Variants in HYAL4 observed in about 807,000 individuals in gnomAD.
HYAL4 encodes the protein hyaluronidase 4, also known as hyaluronidase-4.
Under a neutral mutation model 35.2 loss-of-function variants are expected in HYAL4, and 37 were observed. The observed-to-expected ratio is 1.05, with a 90% CI of 0.81 to 1.38. HYAL4 has a LOEUF of 1.38. HYAL4 is among the 40% of genes most tolerant of loss of function. The pLI is 0.00. For synonymous variants in HYAL4, 198 were observed against 203.2 expected, an observed-to-expected ratio of 0.97 and a Z score of 0.22; for missense variants, 572 against 572.4, an observed-to-expected ratio of 1.00 and a Z score of 0.01.
chr7:123,859,890 C>T (rs1281893517), intron 2 of HYAL4, among the ~76,000 whole-genome samples: 1 of 152,218 alleles, frequency 6.6e-6, no homozygotes, highest in Non-Finnish European at 1.5e-5. Flanking sequence ...CCACCCTGTT[C>T]TCTTCCCTGG....
upstream of HYAL4, among the ~76,000 whole-genome samples, chr7:123,844,783 T>G (rs1437520274): frequency 1.3e-5 from 2 of 152,134 alleles, no homozygotes; most frequent in Non-Finnish European, 2.9e-5. Context: ...CAGTTCAATC[T>G]CAGACTGCTG....
the HYAL4 span, among the ~76,000 whole-genome samples, chr7:123,792,970 C>G: frequency 6.6e-6 from 1 of 152,146 alleles, no homozygotes; most frequent in African/African-American, 2.4e-5. Context: ...TTCGGGCCAG[C>G]CTTTTTCAGG....
At chr7:123,866,295 C>T (rs1806685717) in intron 2 of HYAL4, among the ~76,000 whole-genome samples, 1 of 152,180 alleles carries the variant, frequency 6.6e-6, no homozygotes, top group African/African-American at 2.4e-5. Context: ...GCTTGCTGCT[C>T]CTTGACACTG....
At position 123,834,580 on chromosome 7, in the gene HYAL4, T is replaced by C. The variant is rs567452358; in HGVS notation, c.-257+5456T>C. 2.6e-5 allele frequency among the ~76,000 whole-genome samples: 4 copies of C among 152,304 alleles called. No individual in the cohort carries two copies. The South Asian group carries it at 8.3e-4, about 32-fold the overall frequency. ...CCGATTTGGATGTTATTTCTTTCTC[T>C]TGTCTGATTGCTCTGGCTAAGACTT... On this transcript the variant is annotated intron_variant, in intron 1 of 4. Coordinates refer to the HYAL4 transcript ENST00000489978.
chr7:123,847,349 C>T (rs564560958), intron 1 of HYAL4, among the ~76,000 whole-genome samples: 1 of 152,180 alleles, frequency 6.6e-6, no homozygotes, highest in South Asian at 2.1e-4. Context: ...TAAATAAATA[C>T]ACATGTTCAG....
the HYAL4 span, among the ~76,000 whole-genome samples, chr7:123,804,700 G>A: frequency 2.6e-5 from 4 of 152,108 alleles, no homozygotes; most frequent in Admixed American, 6.5e-5. Flanking sequence ...CTTCTTGGGC[G>A]GGATTTTGTG....
At chr7:123,781,474 C>T in the HYAL4 span, among the ~76,000 whole-genome samples, 5 of 142,842 alleles carry the variant, frequency 3.5e-5, no homozygotes, top group African/African-American at 1.3e-4. Context: ...CCTCCATATG[C>T]TGAACGCTGG....
At chr7:123,872,066 A>T (rs1806897880) in intron 3 of HYAL4, among the ~76,000 whole-genome samples, 1 of 152,152 alleles carries the variant, frequency 6.6e-6, no homozygotes, top group South Asian at 2.1e-4. Flanking sequence ...GGACATATTG[A>T]GTAGTGGTGA....
chr7:123,857,705 C>G (rs954377804), intron 2 of HYAL4, among the ~76,000 whole-genome samples: 109 of 150,724 alleles, frequency 7.2e-4, no homozygotes, highest in East Asian at 9.8e-4. Context: ...TTCTTTCTTT[C>G]TTTCTTTCTT....
intron 1 of HYAL4, among the ~76,000 whole-genome samples, chr7:123,837,007 G>A (rs1233925516): frequency 2.0e-5 from 3 of 151,228 alleles, no homozygotes; most frequent in Non-Finnish European, 2.9e-5. Context: ...GCAACAAAGC[G>A]AGACTACATC....
chr7:123,808,572 A>G, the HYAL4 span, among the ~76,000 whole-genome samples: 1 of 152,094 alleles, frequency 6.6e-6, no homozygotes, highest in Non-Finnish European at 1.5e-5. Flanking sequence ...TCCTTGGCAG[A>G]ACTGAAAAGA....
intron 2 of HYAL4, among the ~76,000 whole-genome samples, chr7:123,861,348 C>G (rs1488447507): frequency 6.6e-6 from 1 of 152,126 alleles, no homozygotes; most frequent in African/African-American, 2.4e-5. Flanking sequence ...TTTAGTTCAA[C>G]AACTTTAATT....
chr7:123,840,453 T>A (rs923547734), upstream of HYAL4, among the ~76,000 whole-genome samples: 7 of 152,106 alleles, frequency 4.6e-5, no homozygotes, highest in African/African-American at 1.2e-4. Context: ...TTGCTTAGGA[T>A]TGTCTTGGCA....
chr7:123,834,523 A>G (rs185377243), intron 1 of HYAL4, among the ~76,000 whole-genome samples: 2 of 152,278 alleles, frequency 1.3e-5, no homozygotes, highest in African/African-American at 4.8e-5. Flanking sequence ...CAGTCATATC[A>G]TCAGAAAACA....
the HYAL4 span, among the ~76,000 whole-genome samples, chr7:123,768,192 C>T: frequency 6.6e-6 from 1 of 152,208 alleles, no homozygotes; most frequent in Admixed American, 6.5e-5. Context: ...ATCATAGGTG[C>T]TATAAACATA....
chr7:123,818,998 A>T, the HYAL4 span, among the ~76,000 whole-genome samples: 1 of 152,148 alleles, frequency 6.6e-6, no homozygotes, highest in Non-Finnish European at 1.5e-5. Flanking sequence ...GTCATTACCT[A>T]TAGACACCAT....
chr7:123,788,214 C>T, the HYAL4 span, among the ~76,000 whole-genome samples: 1 of 152,098 alleles, frequency 6.6e-6, no homozygotes, highest in Non-Finnish European at 1.5e-5. Flanking sequence ...GTCTGAGCTA[C>T]TTGGGAAGCT....
At chr7:123,808,347 A>G in the HYAL4 span, among the ~76,000 whole-genome samples, 1 of 151,768 alleles carries the variant, frequency 6.6e-6, no homozygotes, top group Non-Finnish European at 1.5e-5. Context: ...GAAAGAATGA[A>G]ATTCCCGGTT....
In HYAL4 at chr7:123,834,577, C is replaced by CT. The variant is rs775877266; in HGVS notation, c.-257+5454dup. On this transcript the variant is annotated intron_variant, in intron 1 of 4. Coordinates refer to the HYAL4 transcript ENST00000489978. ...TTACCGATTTGGATGTTATTTCTTT[C>CT]TCTTGTCTGATTGCTCTGGCTAAGA... Among the ~76,000 whole-genome samples, 71 of 152,074 alleles carry CT rather than the reference C, an allele frequency of 4.7e-4. 1 individual carries two copies. The highest frequency in any genetic ancestry group is 1.0e-4 in the Non-Finnish European group (7 of 67,994).
Sources: gnomAD v4.1 joint callset for allele counts (sites outside exome capture counted in the v4.1 genomes callset) on GRCh38, gnomAD v4.1.1 for gene constraint, MANE v1.5 for transcripts, NCBI Gene and HGNC (gene_info 2026-07-23, HGNC 2026-07-21) for gene names.